Variants in PPP2R5C observed in about 807,000 individuals in gnomAD.
PPP2R5C encodes the protein serine/threonine-protein phosphatase 2A 56 kDa regulatory subunit gamma isoform.
Under a neutral mutation model 68.9 loss-of-function variants are expected in PPP2R5C, and 7 were observed. The ratio of observed to expected loss-of-function variants is 0.10; its 90% confidence interval spans 0.06 to 0.19. The LOEUF is 0.19. PPP2R5C is among the 10% of genes least tolerant of loss of function. PPP2R5C has a pLI of 1.00. For synonymous variants in PPP2R5C, 210 were observed against 222.2 expected (o/e 0.95, Z 0.49); for missense variants, 348 against 641.3 (o/e 0.54, Z 4.94).
intron 1 of PPP2R5C, among the ~76,000 whole-genome samples, chr14:101,817,417 A>G (rs1297875486): frequency 2.0e-5 from 3 of 152,176 alleles, no homozygotes; most frequent in Non-Finnish European, 2.9e-5. Flanking sequence ...GTGGCCTTTC[A>G]TATTTGAGTC....
chr14:101,924,568 AAGT>A (rs2047195460), intron 13 of PPP2R5C, among the ~76,000 whole-genome samples: 1 of 151,124 alleles, frequency 6.6e-6, no homozygotes, highest in Non-Finnish European at 1.5e-5. Context: ...CCAGCCTTTC[AAGT>A]AGCTGGGATT....
chr14:101,849,738 T>G (rs1029674505), intron 1 of PPP2R5C, among the ~76,000 whole-genome samples: 5 of 97,784 alleles, frequency 5.1e-5, no homozygotes, highest in Non-Finnish European at 1.2e-4. Flanking sequence ...TCTTTCTTTT[T>G]TGTCCCTGTG....
At chr14:101,897,827 A>C (rs1466091734) in intron 8 of PPP2R5C, among the ~76,000 whole-genome samples, 1 of 151,294 alleles carries the variant, frequency 6.6e-6, no homozygotes, top group Non-Finnish European at 1.5e-5. Flanking sequence ...AAAAAAATTT[A>C]TCTCTCCCCT....
chr14:101,791,221 G>A (rs1317243067), intron 3 of PPP2R5C, among the ~76,000 whole-genome samples: 4 of 152,156 alleles, frequency 2.6e-5, no homozygotes, highest in South Asian at 4.1e-4. Flanking sequence ...TTGTCTTTTC[G>A]ATTATAGCTT....
intron 1 of PPP2R5C, among the ~76,000 whole-genome samples, chr14:101,827,863 T>C (rs536107001): frequency 1.3e-5 from 2 of 152,338 alleles, no homozygotes; most frequent in East Asian, 3.9e-4. Context: ...TACAGGACTA[T>C]CTTTTATTCT....
In PPP2R5C at chr14:101,853,949, G is replaced by A. The variant is rs1017404633; in HGVS notation, c.95-2737G>A. Among the ~76,000 whole-genome samples, 8 of 152,108 alleles carry A rather than the reference G, an allele frequency of 5.3e-5. 1 individual carries two copies. Among genetic ancestry groups the A allele is most frequent in the Admixed American group, 3.9e-4 (6 of 15,266 alleles). On this transcript the variant is annotated intron_variant, in intron 1 of 13. Coordinates refer to ENST00000334743, the Ensembl canonical transcript of PPP2R5C. ...AAACAGCTCCAAATACACAGGCTGC[G>A]ACAACACACACGAGCTCATTTAAGG...
intron 8 of PPP2R5C, among the ~76,000 whole-genome samples, chr14:101,901,392 G>T (rs2045682486): frequency 6.6e-6 from 1 of 152,156 alleles, no homozygotes; most frequent in South Asian, 2.1e-4. Flanking sequence ...CCAGGCAGGT[G>T]GTACGTGCCT....
At position 101,906,380 on chromosome 14, in the gene PPP2R5C, G is replaced by A. The variant is rs769588152; in HGVS notation, c.1024-22G>A. On this transcript the variant is annotated intron_variant, in intron 9 of 13. Coordinates refer to ENST00000334743, the Ensembl canonical transcript of PPP2R5C. This position sits in a 1 kb window ranked among gnomAD's most constrained non-coding sequence, Gnocchi z 4.0. ...ATGTCTCAGGCACAACCTCCAGCAA[G>A]CCATCCACTTGTGTCTTTCAGGTGG... The A allele has an allele frequency of 6.4e-7, 1 of 1,570,688 alleles. No homozygotes were observed. The highest frequency in any genetic ancestry group is 2.3e-5 in the East Asian group (1 of 44,240).
intron 6 of PPP2R5C, among the ~76,000 whole-genome samples, chr14:101,890,778 T>C (rs1411694952): frequency 2.1e-5 from 3 of 145,790 alleles, no homozygotes; most frequent in Admixed American, 6.8e-5. Flanking sequence ...TTTTTTTTTT[T>C]TTTTTTTTTT....
Position 101,877,788 on chromosome 14 carries a change from T to C in PPP2R5C, c.295-4373T>C, listed in dbSNP as rs2043880407. ...TATGCACTAAATTAATGCAATGTAA[T>C]GTGGTAAGAAAGGTGTGTAGAAGTT... is the stretch of plus-strand genomic sequence containing the variant. On this transcript the variant is annotated intron_variant, in intron 2 of 13. Transcript: ENST00000334743. The surrounding 1 kb of genome is among the most constrained non-coding windows in gnomAD (Gnocchi z 4.2). Among the ~76,000 whole-genome samples, 1 of 152,216 alleles carries C rather than the reference T, an allele frequency of 6.6e-6. No homozygotes were observed. Among genetic ancestry groups the C allele is most frequent in the Non-Finnish European group, 1.5e-5 (1 of 68,038 alleles).
chr14:101,821,444 G>GGGGTGTGTGT (rs1426759384), intron 1 of PPP2R5C, among the ~76,000 whole-genome samples: 1 of 130,060 alleles, frequency 7.7e-6, no homozygotes, highest in African/African-American at 2.8e-5. Context: ...GTGGGGGGTG[G>GGGGTGTGTGT]GTGGGTGGGT....
intron 10 of PPP2R5C, among the ~76,000 whole-genome samples, chr14:101,907,391 G>A (rs1190608512): frequency 1.3e-5 from 2 of 151,904 alleles, no homozygotes; most frequent in East Asian, 1.9e-4. Flanking sequence ...GGCTGGTCTC[G>A]AACTCCTGGA....
intron 2 of PPP2R5C, among the ~76,000 whole-genome samples, chr14:101,779,789 A>G (rs564869274): frequency 6.6e-6 from 1 of 152,288 alleles, no homozygotes; most frequent in African/African-American, 2.4e-5. Flanking sequence ...CAGTATGAAA[A>G]TATGATTGGA....
At position 101,765,333 on chromosome 14, in the gene PPP2R5C, C is replaced by G; in HGVS notation, c.93+2363C>G. The G allele has an allele frequency of 4.3e-6, 3 of 690,044 alleles. No homozygotes were observed. In the South Asian group the frequency reaches 4.5e-5, roughly 10 times the overall value. The allele number at this position is 690,044 out of a possible 1,614,324, so 42.7% of individuals were successfully genotyped here. The stretch of plus-strand genomic sequence containing the variant: ...GAATACAAGTTGGGACACTTCTGTT[C>G]ATTTGACCTTTGAGTTGACCCTTAA... On this transcript the variant is annotated intron_variant, in intron 2 of 14. Coordinates refer to the PPP2R5C transcript ENST00000328724.
intron 2 of PPP2R5C, among the ~76,000 whole-genome samples, chr14:101,768,173 G>A (rs998538607): frequency 1.3e-5 from 2 of 152,222 alleles, no homozygotes; most frequent in Non-Finnish European, 2.9e-5. Context: ...TCTGGACATT[G>A]TCTAATGTCT....
rs1195992104 is a variant in PPP2R5C, at chr14:101,883,666, G to A, written c.629+104G>A. ...CTCCTCTGACAGGACTCAGCATGTG[G>A]AGGGGGTTTCTCAAAGCCTATTTGT... On this transcript the variant is annotated intron_variant, in intron 5 of 13. Coordinates refer to ENST00000334743, the Ensembl canonical transcript of PPP2R5C. 9.2e-6 allele frequency: 13 copies of A among 1,419,358 alleles called. No homozygotes were observed. The African/African-American group carries it at 1.9e-4, about 21-fold the overall frequency. The allele number at this position is 1,419,358 out of a possible 1,614,324, so 87.9% of individuals were successfully genotyped here. A position where few individuals can be genotyped will look rare whatever the true frequency, so the allele number is the denominator to read the frequency against.
Position 101,906,309 on chromosome 14 carries a change from A to T in PPP2R5C, c.1024-93A>T. On this transcript the variant is annotated intron_variant, in intron 9 of 13. Coordinates refer to ENST00000334743, the Ensembl canonical transcript of PPP2R5C. The surrounding 1 kb of genome is among the most constrained non-coding windows in gnomAD (Gnocchi z 4.0). ...TAATCATAATTTTCTGGTCCAAGGTAGTTCATTACCCGACTCACAGGTTTA... is the reference window on the plus strand; with the variant it reads ...TAATCATAATTTTCTGGTCCAAGGTTGTTCATTACCCGACTCACAGGTTTA... 7.6e-7 allele frequency: 1 copy of T among 1,317,560 alleles called. No individual in the cohort carries two copies. Among genetic ancestry groups the T allele is most frequent in the African/African-American group, 1.5e-5 (1 of 67,326 alleles). The allele number at this position is 1,317,560 out of a possible 1,614,324, so 81.6% of individuals were successfully genotyped here. A position where few individuals can be genotyped will look rare whatever the true frequency, so the allele number is the denominator to read the frequency against.
At chr14:101,909,324 C>T (rs2046256302) in intron 10 of PPP2R5C, among the ~76,000 whole-genome samples, 1 of 152,154 alleles carries the variant, frequency 6.6e-6, no homozygotes, top group Non-Finnish European at 1.5e-5. Flanking sequence ...AATTCAGTTT[C>T]TGAGCAAGGT....
intron 2 of PPP2R5C, among the ~76,000 whole-genome samples, chr14:101,768,986 G>C (rs187844011): frequency 6.6e-6 from 1 of 151,946 alleles, no homozygotes; most frequent in Non-Finnish European, 1.5e-5. Context: ...CACCACGCCC[G>C]GCTCATTTTT....
Sources: allele counts gnomAD v4.1 joint callset (sites outside exome capture counted in the v4.1 genomes callset), GRCh38; gene constraint gnomAD v4.1.1; non-coding constraint Gnocchi (gnomAD v3.1); transcripts MANE v1.5; gene names NCBI Gene and HGNC (gene_info 2026-07-23, HGNC 2026-07-21).